Variants in TEX11 observed in about 807,000 individuals in gnomAD.
TEX11 encodes the protein testis-expressed protein 11.
A neutral mutation model predicts 84.4 loss-of-function variants in TEX11; 7 were observed. The observed-to-expected ratio is 0.08, with a 90% CI of 0.05 to 0.16. The LOEUF (loss-of-function observed/expected upper bound fraction) is 0.16, where lower values mean the gene tolerates loss of function less well. TEX11 is among the 10% of genes least tolerant of loss of function. The pLI, the probability that TEX11 is intolerant of heterozygous loss-of-function variation, is 1.00. For missense variants in TEX11, 551 were observed against 660.5 expected (o/e 0.83, Z 1.82); for synonymous variants, 264 against 222.8 (o/e 1.18, Z -1.64).
At chrX:70,746,620 A>C (rs1208312373) in intron 9 of TEX11, among the ~76,000 whole-genome samples, 1 of 112,399 alleles carries the variant, frequency 8.9e-6, no homozygotes, top group Non-Finnish European at 1.9e-5. Flanking sequence ...AGAACTCTGC[A>C]TCTCTTCCTG....
chrX:70,637,399 C>G (rs1192006232), intron 17 of TEX11, among the ~76,000 whole-genome samples: 1 of 112,556 alleles, frequency 8.9e-6, no homozygotes, highest in Admixed American at 9.4e-5. Flanking sequence ...TATGACCTGG[C>G]AATCCCATTA....
chrX:70,537,125 T>C (rs987785112), intron 28 of TEX11, among the ~76,000 whole-genome samples: 4 of 111,426 alleles, frequency 3.6e-5, no homozygotes, highest in African/African-American at 1.3e-4. Context: ...AGTGGTAGAA[T>C]GTTATGGTTG....
chrX:70,826,997 A>G (rs931178962), intron 8 of TEX11, among the ~76,000 whole-genome samples: 2 of 111,218 alleles, frequency 1.8e-5, no homozygotes, highest in Non-Finnish European at 3.8e-5. Flanking sequence ...CGTAGCAATG[A>G]AAGTGACTCC....
chrX:70,776,064 CA>C lies in TEX11; in HGVS notation c.692+30640del, dbSNP rs1206535514. 1.7e-3 allele frequency among the ~76,000 whole-genome samples: 74 copies of C among 43,564 alleles called. 1 individual carries two copies. The highest frequency in any genetic ancestry group is 4.2e-3 in the Non-Finnish European group (56 of 13,403). 37.8% of individuals were successfully genotyped at this position (43,564 alleles called of 115,157 possible). A position where few individuals can be genotyped will look rare whatever the true frequency, so the allele number is the denominator to read the frequency against. ...GGAGATTTCTCAGAAAAAAAAAAAA[CA>C]AACTTATAATAGAACTATATATGAT... On this transcript the variant is annotated intron_variant, in intron 9 of 29. Transcript: ENST00000374333.
At position 70,874,036 on chromosome X, in the gene TEX11, C is replaced by G. The variant is rs745418374; in HGVS notation, c.160-729G>C. Among the ~76,000 whole-genome samples, 3 of 110,985 alleles carry G rather than the reference C, an allele frequency of 2.7e-5. No homozygotes were observed. The Admixed American group carries it at 2.9e-4, about 11-fold the overall frequency. On this transcript the variant is annotated intron_variant, in intron 3 of 29. Coordinates refer to ENST00000374333, the MANE Select transcript of TEX11 (RefSeq NM_031276.3). ...TCACAGTAATGAGTGAGTTCTCAGT[C>G]TATTAGTTACTGCAAGATCTGATTC... is the stretch of plus-strand genomic sequence containing the variant.
At chrX:70,664,870 A>AC (rs35865719) in intron 16 of TEX11, among the ~76,000 whole-genome samples, 8 of 106,481 alleles carry the variant, frequency 7.5e-5, no homozygotes, top group African/African-American at 2.7e-4. Context: ...AAAAAAAAAA[A>AC]CCCTCAGAAT....
At chrX:70,839,008 G>A (rs1292322439) in intron 7 of TEX11, among the ~76,000 whole-genome samples, 1 of 112,691 alleles carries the variant, frequency 8.9e-6, no homozygotes, top group Non-Finnish European at 1.9e-5. Context: ...CGAACTGGGT[G>A]GAGCCCACCA....
chrX:70,525,136 G>T (rs1029659811), downstream of TEX11, among the ~76,000 whole-genome samples: 15 of 111,318 alleles, frequency 1.3e-4, no homozygotes, highest in African/African-American at 4.9e-4. Flanking sequence ...AGCTATGATT[G>T]AGCCACTGCA....
intron 19 of TEX11, 129 bp from the exon 20 acceptor site, chrX:70,624,135 G>T: frequency 3.0e-6 from 1 of 334,941 alleles, no homozygotes. Flanking sequence ...GTAAAGGGGA[G>T]ATTAATCTTA....
At chrX:70,559,438 C>T (rs1467515860) in intron 25 of TEX11, among the ~76,000 whole-genome samples, 3 of 111,929 alleles carry the variant, frequency 2.7e-5, no homozygotes, top group Non-Finnish European at 5.6e-5. Flanking sequence ...CTAAAGGGTA[C>T]GTTGCTTTCC....
At chrX:70,636,396 T>C in intron 17 of TEX11, among the ~76,000 whole-genome samples, 2 of 109,432 alleles carry the variant, frequency 1.8e-5, no homozygotes, top group Admixed American at 1.9e-4. Flanking sequence ...AAGGGTCTAG[T>C]ACCACCCCAG....
chrX:70,731,590 C>G (rs752778010), intron 11 of TEX11, among the ~76,000 whole-genome samples: 3 of 111,481 alleles, frequency 2.7e-5, no homozygotes, highest in South Asian at 7.6e-4. Flanking sequence ...TACACCCTCC[C>G]AAGACTAAAC....
At chrX:70,624,812 C>G in intron 19 of TEX11, 27 bp downstream of exon 19, 1 of 1,133,445 alleles carries the variant, frequency 8.8e-7, no homozygotes, top group African/African-American at 1.8e-5. Context: ...GAAATACTTT[C>G]TCTTCCACAG....
At chrX:70,750,933 A>AAAT (rs1390175136) in intron 9 of TEX11, among the ~76,000 whole-genome samples, 40 of 28,184 alleles carry the variant, frequency 1.4e-3, no homozygotes, top group African/African-American at 3.2e-3. Flanking sequence ...AAAAAAAAAA[A>AAAT]ATATATATAT....
At chrX:70,575,008 G>A (rs911745976) in intron 25 of TEX11, among the ~76,000 whole-genome samples, 2 of 111,353 alleles carry the variant, frequency 1.8e-5, no homozygotes, top group African/African-American at 6.5e-5. Flanking sequence ...GAGAGGTGGC[G>A]AGGAAGGTAT....
intron 13 of TEX11, among the ~76,000 whole-genome samples, chrX:70,705,241 C>T (rs1242049254): frequency 9.0e-6 from 1 of 111,620 alleles, no homozygotes; most frequent in Non-Finnish European, 1.9e-5. Flanking sequence ...ATGCCTCCAG[C>T]TTTGTTCTTT....
intron 9 of TEX11, among the ~76,000 whole-genome samples, chrX:70,788,971 TATAG>T (rs1319699893): frequency 5.3e-4 from 10 of 18,862 alleles, no homozygotes; most frequent in Non-Finnish European, 8.1e-4. Context: ...TATATATATA[TATAG>T]AGAGAGAGAG....
chrX:70,904,450 C>A (rs1444243136), intron 2 of TEX11, among the ~76,000 whole-genome samples: 3 of 111,911 alleles, frequency 2.7e-5, no homozygotes, highest in Non-Finnish European at 5.6e-5. Flanking sequence ...TTCTGTAAAT[C>A]TAAAATTATT....
chrX:70,516,614 G>GAAA, the TEX11 span, among the ~76,000 whole-genome samples: 1 of 111,158 alleles, frequency 9.0e-6, no homozygotes, highest in Admixed American at 9.6e-5. Context: ...GCTCTTTTTT[G>GAAA]GTTCCATATG....
Sources: gnomAD v4.1 joint callset for allele counts (sites outside exome capture counted in the v4.1 genomes callset) on GRCh38, gnomAD v4.1.1 for gene constraint, MANE v1.5 for transcripts, NCBI Gene and HGNC (gene_info 2026-07-23, HGNC 2026-07-21) for gene names.